Variants in AMD1 observed in about 807,000 individuals in gnomAD.
AMD1 encodes the protein adenosylmethionine decarboxylase 1.
A neutral mutation model predicts 40.2 loss-of-function variants in AMD1; 11 were observed. The ratio of observed to expected loss-of-function variants is 0.27; its 90% CI spans 0.17 to 0.45. AMD1 has a LOEUF of 0.45. Ranked by LOEUF, AMD1 falls within the 20% of genes least tolerant of loss-of-function variation. The pLI is 1.00. For missense variants in AMD1, 257 were observed against 410.2 expected (o/e 0.63, Z 3.23); for synonymous variants, 121 against 130.8 (o/e 0.93, Z 0.51).
At chr6:110,890,017 G>A (rs1785923851) in intron 3 of AMD1, 1 of 382,240 alleles carries the variant, frequency 2.6e-6, no homozygotes, top group Non-Finnish European at 4.7e-6. Context: ...AAAAAAAAGA[G>A]AGAGAGAGAG....
the AMD1 span, among the ~76,000 whole-genome samples, chr6:110,832,987 AT>A: frequency 6.6e-6 from 1 of 152,146 alleles, no homozygotes; most frequent in Non-Finnish European, 1.5e-5. Context: ...CGCCTGGCCA[AT>A]TTTTGTATTT....
intron 2 of AMD1, chr6:110,888,627 C>A: frequency 1.1e-5 from 3 of 262,160 alleles, no homozygotes; most frequent in Non-Finnish European, 1.4e-5. Context: ...TTTTTTTAAA[C>A]TAAGTTTATA....
At chr6:110,863,457 C>T in the AMD1 span, among the ~76,000 whole-genome samples, 1 of 151,348 alleles carries the variant, frequency 6.6e-6, no homozygotes, top group East Asian at 2.0e-4. Flanking sequence ...ACAACCTCCA[C>T]CTCCTGGGCT....
In AMD1 at chr6:110,887,746, C is replaced by T. The variant is rs148268621; in HGVS notation, c.197+155C>T. 6.4e-4 allele frequency among the ~76,000 whole-genome samples: 98 copies of T among 152,232 alleles called. No homozygotes were observed. The East Asian group carries it at 0.015, about 24-fold the overall frequency. ...AGTCACCCAGGCTGGAGTGCAATGG[C>T]GCCATGTCAGCTCACTGCAACCTCC... is the stretch of plus-strand genomic sequence containing the variant. On this transcript the variant is annotated intron_variant, in intron 2 of 8. Transcript: ENST00000368885.
At chr6:110,883,694 C>A (rs191186583) in intron 1 of AMD1, among the ~76,000 whole-genome samples, 1 of 152,146 alleles carries the variant, frequency 6.6e-6, no homozygotes, top group Non-Finnish European at 1.5e-5. Flanking sequence ...CGGGTTCATG[C>A]CATTCTCCCG....
In AMD1 at chr6:110,892,800, G is replaced by A. The variant is rs1437977336; in HGVS notation, c.681G>A (p.Gly227=). ...ATGCCACAATGTTCAATCCTTGTGGGTATTCGATGAATGGAATGAAATCGG... is the reference window on the plus strand; with the variant it reads ...ATGCCACAATGTTCAATCCTTGTGGATATTCGATGAATGGAATGAAATCGG... ...VIDATMFNPC[G]YSMNGMKSDG... is the part of the protein sequence containing the mutation. Residue 227 remains glycine (G), a synonymous_variant, in exon 7 of 9, where the codon GGG becomes GGA. Coordinates refer to ENST00000368885, the MANE Select transcript of AMD1 (RefSeq NM_001634.6). 2.5e-6 allele frequency: 4 copies of A among 1,614,054 alleles called. No individual in the cohort carries two copies. The South Asian group carries it at 3.3e-5, about 13-fold the overall frequency.
At chr6:110,845,412 T>A in the AMD1 span, among the ~76,000 whole-genome samples, 2 of 152,074 alleles carry the variant, frequency 1.3e-5, no homozygotes, top group African/African-American at 4.8e-5. Context: ...TCATGAGAGA[T>A]CTGCTCCCAT....
At chr6:110,851,985 T>G in the AMD1 span, among the ~76,000 whole-genome samples, 1 of 151,816 alleles carries the variant, frequency 6.6e-6, no homozygotes, top group Non-Finnish European at 1.5e-5. Flanking sequence ...TTGAATTATT[T>G]AAAGTAAAAT....
the AMD1 span, among the ~76,000 whole-genome samples, chr6:110,840,471 A>G: frequency 2.6e-5 from 4 of 152,114 alleles, no homozygotes; most frequent in Non-Finnish European, 5.9e-5. Context: ...CTCACAGAAC[A>G]CTTACGTTTA....
intron 1 of AMD1, among the ~76,000 whole-genome samples, chr6:110,886,083 T>G (rs1583217974): frequency 6.6e-6 from 1 of 152,018 alleles, no homozygotes; most frequent in African/African-American, 2.4e-5. Context: ...GGTGAAACCC[T>G]GTCGCCACTA....
chr6:110,821,008 T>G, the AMD1 span, among the ~76,000 whole-genome samples: 3 of 152,222 alleles, frequency 2.0e-5, no homozygotes, highest in Non-Finnish European at 4.4e-5. Flanking sequence ...ACTGTGGTGT[T>G]TAATTTTCAG....
At chr6:110,814,995 G>C in the AMD1 span, 4 of 1,601,872 alleles carry the variant, frequency 2.5e-6, no homozygotes, top group Non-Finnish European at 3.4e-6. Context: ...TACTCCTCCC[G>C]CCCCTGCTCT....
chr6:110,889,117 A>G (rs544535579), intron 3 of AMD1, 134 bp downstream of exon 3: 3 of 1,041,248 alleles, frequency 2.9e-6, no homozygotes, highest in African/African-American at 1.6e-5. Context: ...AGGTGTTCAT[A>G]CCTTAGGAAG....
chr6:110,859,999 G>A, the AMD1 span, among the ~76,000 whole-genome samples: 4 of 152,136 alleles, frequency 2.6e-5, no homozygotes, highest in Non-Finnish European at 5.9e-5. Flanking sequence ...GCTAATTTTT[G>A]TATTTTTATT....
the AMD1 span, among the ~76,000 whole-genome samples, chr6:110,831,177 C>T: frequency 2.6e-5 from 4 of 152,024 alleles, no homozygotes; most frequent in East Asian, 1.9e-4. Flanking sequence ...CAGTGGTTCA[C>T]GCCTGTAATC....
In AMD1 at chr6:110,892,388, C is replaced by A. The variant is rs543368404; in HGVS notation, c.560C>A (p.Ala187Glu). Residue 187 changes from alanine to glutamate, a missense_variant, in exon 6 of 9, where the codon GCA becomes GAA. By Grantham distance (107) the Ala-to-Glu change is moderately radical (BLOSUM62 -1). This residue lies in a region of AMD1 where 192 missense variants were observed against 296.5 expected (regional missense o/e 0.65). Coordinates refer to ENST00000368885, the MANE Select transcript of AMD1 (RefSeq NM_001634.6). ...LEILMSELDPAVMDQFYMKDG... is the reference protein window; with the variant it reads ...LEILMSELDPEVMDQFYMKDG... The stretch of plus-strand genomic sequence containing the variant: ...ATTCTGATGAGTGAGCTTGACCCAG[C>A]AGTTATGGACCAGTTCTACATGAAA... 8.0e-5 allele frequency: 129 copies of A among 1,612,662 alleles called. 1 individual carries two copies. The South Asian group carries it at 1.3e-3, about 17-fold the overall frequency.
the AMD1 span, among the ~76,000 whole-genome samples, chr6:110,823,070 G>A: frequency 6.6e-6 from 1 of 152,218 alleles, no homozygotes; most frequent in South Asian, 2.1e-4. Flanking sequence ...AGCCGAGATT[G>A]TACCATTGCA....
the AMD1 span, among the ~76,000 whole-genome samples, chr6:110,821,705 G>C: frequency 3.3e-5 from 5 of 152,274 alleles, no homozygotes; most frequent in East Asian, 9.6e-4. Flanking sequence ...GGAAAGGTGG[G>C]TGTGGGCAAT....
At chr6:110,815,211 C>A in the AMD1 span, 3 of 1,443,026 alleles carry the variant, frequency 2.1e-6, no homozygotes, top group Non-Finnish European at 2.7e-6. Context: ...CCCCCCGCGA[C>A]CGCCGCTCCA....
Sources: gnomAD v4.1 joint callset for allele counts (sites outside exome capture counted in the v4.1 genomes callset) on GRCh38, gnomAD v4.1.1 for gene constraint, gnomAD v4.1.1 regional missense constraint, MANE v1.5 for transcripts, NCBI Gene and HGNC (gene_info 2026-07-23, HGNC 2026-07-21) for gene names.